TXNRD2: variants seen among roughly 807,000 people sequenced by gnomAD.
TXNRD2 encodes the protein thioredoxin reductase 2, mitochondrial.
Under a neutral mutation model 70.8 loss-of-function variants are expected in TXNRD2, and 67 were observed. That is an observed-to-expected ratio of 0.95 (90% CI 0.78 to 1.16). TXNRD2 has a LOEUF of 1.16. TXNRD2 is among the 50% of genes most tolerant of loss of function. The probability of loss-of-function intolerance (pLI) is 0.00; values close to 1 mark genes in which losing one functional copy is unlikely to be tolerated. For synonymous variants in TXNRD2, 301 were observed against 295.8 expected (o/e 1.02, Z -0.18); for missense variants, 644 against 719.9 (o/e 0.89, Z 1.21).
chr22:19,941,145 G>A (rs935629113), intron 1 of TXNRD2, among the ~76,000 whole-genome samples: 2 of 152,150 alleles, frequency 1.3e-5, no homozygotes, highest in East Asian at 1.9e-4. Flanking sequence ...CGCTCTGGTC[G>A]GATCTAGGGG....
intron 8 of TXNRD2, chr22:19,902,991 C>A (rs1601422373): frequency 5.8e-6 from 3 of 518,822 alleles, no homozygotes; most frequent in African/African-American, 1.9e-5. Context: ...GACACACTGA[C>A]AGGCAGCCTT....
chr22:19,899,459 C>T (rs928290506), intron 8 of TXNRD2, among the ~76,000 whole-genome samples: 2 of 152,240 alleles, frequency 1.3e-5, no homozygotes, highest in Non-Finnish European at 2.9e-5. Flanking sequence ...CAAGGGAAGA[C>T]ATCATCTGAG....
Position 19,877,264 on chromosome 22 carries a change from G to A in TXNRD2, c.1446-30C>T, listed in dbSNP as rs1222822719. The A allele has an allele frequency of 6.2e-6, 10 of 1,601,308 alleles. No homozygotes were observed. In the South Asian group the frequency reaches 8.8e-5, roughly 14 times the overall value. ...ACATGGGGGATGGGGGAGGCAGGCGGGGTCAGCACAGGGAGGGGGGTCCAC... is the reference window on the plus strand; with the variant it reads ...ACATGGGGGATGGGGGAGGCAGGCGAGGTCAGCACAGGGAGGGGGGTCCAC... On this transcript the variant is annotated intron_variant, in intron 16 of 17. Coordinates refer to ENST00000400521, the MANE Select transcript of TXNRD2 (RefSeq NM_006440.5).
chr22:19,909,158 A>G (rs1190492898), intron 8 of TXNRD2, among the ~76,000 whole-genome samples: 2 of 151,052 alleles, frequency 1.3e-5, no homozygotes, highest in Non-Finnish European at 3.0e-5. Context: ...GTGAGCCGAG[A>G]TCGCACCACT....
intron 3 of TXNRD2, 120 bp from the exon 4 acceptor site, chr22:19,919,124 G>T: frequency 2.1e-6 from 2 of 931,484 alleles, no homozygotes; most frequent in Non-Finnish European, 3.3e-6. Context: ...CAGACCAGCT[G>T]ACATGCCACA....
intron 8 of TXNRD2, among the ~76,000 whole-genome samples, chr22:19,899,560 G>T (rs1939679053): frequency 6.6e-6 from 1 of 152,258 alleles, no homozygotes; most frequent in South Asian, 2.1e-4. Context: ...GGCCAGGAGG[G>T]CCAGCTCCCC....
At position 19,875,795 on chromosome 22, in the gene TXNRD2, G is replaced by C. The variant is rs1938480014; in HGVS notation, c.*78C>G. 6.6e-6 allele frequency: 1 copy of C among 152,422 alleles called. No individual in the cohort carries two copies. Among genetic ancestry groups the C allele is most frequent in the African/African-American group, 2.4e-5 (1 of 41,560 alleles). The allele number at this position is 152,422 out of a possible 1,614,324, so 9.4% of individuals were successfully genotyped here. Reference sequence around the variant, plus strand: ...AGAGGGTTGAGGCCCCCCAAACCTGGCCTGCAGCCATCCTGCCAACAACAG... The same window carrying C: ...AGAGGGTTGAGGCCCCCCAAACCTGCCCTGCAGCCATCCTGCCAACAACAG... On this transcript the variant is annotated 3_prime_UTR_variant, in exon 18 of 18. Transcript: ENST00000400521.
At chr22:19,935,225 T>C (rs1233998887) in intron 1 of TXNRD2, among the ~76,000 whole-genome samples, 1 of 152,130 alleles carries the variant, frequency 6.6e-6, no homozygotes, top group East Asian at 1.9e-4. Context: ...AGGAATGCAT[T>C]CCTGGGGGGA....
Position 19,915,814 on chromosome 22 carries a change from C to G in TXNRD2, c.479G>C (p.Ser160Thr), listed in dbSNP as rs1255947483. 1.2e-6 allele frequency: 2 copies of G among 1,614,188 alleles called. No individual in the cohort carries two copies. Among genetic ancestry groups the G allele is most frequent in the Non-Finnish European group, 8.5e-7 (1 of 1,180,042 alleles). Residue 160 changes from serine to threonine, a missense_variant, in exon 6 of 18, where the codon AGC becomes ACC. Coordinates refer to ENST00000400521, the MANE Select transcript of TXNRD2 (RefSeq NM_006440.5). Reference protein sequence around the residue: ...RKVKYFNIKASFVDEHTVCGV... With the variant: ...RKVKYFNIKATFVDEHTVCGV... ...GCAAACCGTGTGCTCGTCAACAAAG[C>G]TGGCTTTGATGTTAAAGTACTTGAC... is the stretch of plus-strand genomic sequence containing the variant.
chr22:19,911,032 G>A (rs1300843011), intron 8 of TXNRD2: 13 of 354,110 alleles, frequency 3.7e-5, no homozygotes, highest in Middle Eastern at 9.5e-4. Flanking sequence ...CCAAGATTGG[G>A]CCATTGCAAT....
intron 10 of TXNRD2, 47 bp from the exon 11 acceptor site, chr22:19,895,628 A>G: frequency 6.3e-7 from 1 of 1,599,768 alleles, no homozygotes; most frequent in East Asian, 2.2e-5. Context: ...TGGCCGTGGG[A>G]GAGAGGCTCT....
At chr22:19,921,106 C>CAAAA (rs33910378) in intron 2 of TXNRD2, among the ~76,000 whole-genome samples, 1 of 84,302 alleles carries the variant, frequency 1.2e-5, no homozygotes, top group Non-Finnish European at 2.3e-5. Context: ...GACTCTGTCT[C>CAAAA]AAAAAAAAAA....
At chr22:19,879,179 G>A (rs568290194) in intron 14 of TXNRD2, among the ~76,000 whole-genome samples, 11 of 152,330 alleles carry the variant, frequency 7.2e-5, no homozygotes, top group South Asian at 2.1e-4. Context: ...AAAGTGCCTC[G>A]GGGAAGGCTG....
chr22:19,922,417 G>A (rs1011469314), intron 2 of TXNRD2, among the ~76,000 whole-genome samples: 5 of 152,036 alleles, frequency 3.3e-5, no homozygotes, highest in South Asian at 2.1e-4. Flanking sequence ...TTGTTGTTCC[G>A]GGTCCTGGCC....
intron 8 of TXNRD2, among the ~76,000 whole-genome samples, chr22:19,909,601 T>TCACACACACACAC: frequency 6.2e-5 from 1 of 16,226 alleles, no homozygotes; most frequent in East Asian, 3.5e-3. Flanking sequence ...CACACACCAC[T>TCACACACACACAC]CACACACACA....
At chr22:19,883,145 G>A (rs1451731316) in intron 12 of TXNRD2, among the ~76,000 whole-genome samples, 180 bp downstream of exon 12, 1 of 152,260 alleles carries the variant, frequency 6.6e-6, no homozygotes, top group Non-Finnish European at 1.5e-5. Flanking sequence ...AGAGAGCCGA[G>A]GCCCATGTCC....
Position 19,877,121 on chromosome 22 carries a change from G to C in TXNRD2, c.1559C>G (p.Thr520Arg), listed in dbSNP as rs774708598. ...GGATGGCGCTTACCCTCAGCAGCCT[G>C]TCACCGTGGGGTCCAGGCCTGAGCG... ...SKRSGLDPTV[T>R]GCUG The change falls in exon 17 of 18, where the codon ACA (threonine) becomes AGA (arginine). Residue 520 changes from threonine to arginine, a missense_variant. Thr to Arg is a moderately conservative substitution (Grantham distance 71). Around this residue, in one of 3 missense-constraint regions of TXNRD2, gnomAD observed 7 missense variants for 21.3 expected, o/e 0.33. Transcript: ENST00000400521. 129 of 1,599,992 alleles carry C rather than the reference G, an allele frequency of 8.1e-5. No homozygotes were observed. The highest frequency in any genetic ancestry group is 1.1e-4 in the Non-Finnish European group (127 of 1,169,408).
At chr22:19,882,532 C>G (rs1416372544) in intron 12 of TXNRD2, among the ~76,000 whole-genome samples, 1 of 152,164 alleles carries the variant, frequency 6.6e-6, no homozygotes, top group African/African-American at 2.4e-5. Flanking sequence ...CTACTGCCCC[C>G]CAAACGTGAG....
intron 11 of TXNRD2, among the ~76,000 whole-genome samples, chr22:19,893,659 CA>C (rs1367776028): frequency 6.6e-6 from 1 of 151,068 alleles, no homozygotes; most frequent in African/African-American, 2.4e-5. Context: ...CTGCCCCATG[CA>C]AAACCGGACC....
Sources: gnomAD v4.1 joint callset for allele counts (sites outside exome capture counted in the v4.1 genomes callset) on GRCh38, gnomAD v4.1.1 for gene constraint, gnomAD v4.1.1 regional missense constraint, MANE v1.5 for transcripts, NCBI Gene and HGNC (gene_info 2026-07-23, HGNC 2026-07-21) for gene names.